Variants in MALRD1 observed in about 807,000 individuals in gnomAD.
MALRD1 encodes MAM and LDL receptor class A domain containing 1.
In MALRD1, 247 loss-of-function variants were observed where a neutral mutation model predicts 242.1. The observed-to-expected ratio is 1.02, with a 90% CI of 0.92 to 1.13. MALRD1 has a LOEUF of 1.13. Ranked by LOEUF, MALRD1 falls within the 50% of genes most tolerant of loss-of-function variation. The pLI is 0.00. For synonymous variants in MALRD1, 995 were observed against 866.6 expected (o/e 1.15, Z -2.60); for missense variants, 2,989 against 2,533.1 (o/e 1.18, Z -3.86).
chr10:19,574,915 C>T (rs899175803), intron 33 of MALRD1, among the ~76,000 whole-genome samples: 14 of 152,122 alleles, frequency 9.2e-5, no homozygotes, highest in Admixed American at 9.2e-4. Flanking sequence ...GAAGACTTCT[C>T]ACTACTGGGC....
At chr10:19,443,899 C>T (rs1438594644) in intron 28 of MALRD1, among the ~76,000 whole-genome samples, 1 of 152,178 alleles carries the variant, frequency 6.6e-6, no homozygotes, top group Non-Finnish European at 1.5e-5. Flanking sequence ...TCTCGTGGAT[C>T]TGTCTAATGT....
intron 26 of MALRD1, among the ~76,000 whole-genome samples, chr10:19,381,391 G>T (rs1338332451): frequency 6.6e-6 from 1 of 152,060 alleles, no homozygotes; most frequent in Non-Finnish European, 1.5e-5. Context: ...TGTCTTTATA[G>T]TTCTTAATAG....
chr10:19,593,582 A>G (rs1837927311), intron 33 of MALRD1, among the ~76,000 whole-genome samples: 1 of 152,194 alleles, frequency 6.6e-6, no homozygotes, highest in Non-Finnish European at 1.5e-5. Context: ...TATATTGATG[A>G]GTCCCTCGTT....
rs868208779 is a variant in MALRD1, at chr10:19,330,014, A to G, written c.3688-1355A>G. ...CATATGTTGAAATTTTAGACTATCC[A>G]GATAATAGAGTATCTTTTATATTTT... is the stretch of plus-strand genomic sequence containing the variant. On this transcript the variant is annotated intron_variant, in intron 23 of 39. Transcript: ENST00000454679. Among the ~76,000 whole-genome samples the G allele has an allele frequency of 2.0e-4, 31 of 152,286 alleles. No individual in the cohort carries two copies. The Middle Eastern group carries it at 0.01, about 50-fold the overall frequency.
At chr10:19,458,833 C>T (rs934192041) in intron 29 of MALRD1, among the ~76,000 whole-genome samples, 10 of 151,860 alleles carry the variant, frequency 6.6e-5, no homozygotes, top group African/African-American at 1.7e-4. Context: ...GCCTCATCTT[C>T]CTGAATCTGT....
At chr10:19,626,958 T>C (rs911288630) in intron 36 of MALRD1, among the ~76,000 whole-genome samples, 1 of 152,146 alleles carries the variant, frequency 6.6e-6, no homozygotes, top group African/African-American at 2.4e-5. Flanking sequence ...TACAGCTTGC[T>C]ATAAAGTCAT....
chr10:19,334,470 G>A (rs977289300), intron 24 of MALRD1, among the ~76,000 whole-genome samples: 8 of 150,626 alleles, frequency 5.3e-5, no homozygotes, highest in Non-Finnish European at 1.0e-4. Flanking sequence ...GAGATGATAA[G>A]TGTTAACTTT....
At chr10:19,458,926 T>C (rs1259057190) in intron 29 of MALRD1, among the ~76,000 whole-genome samples, 2 of 151,960 alleles carry the variant, frequency 1.3e-5, no homozygotes, top group East Asian at 1.9e-4. Context: ...ATATATATAG[T>C]ATTTTTTAAG....
intron 38 of MALRD1, among the ~76,000 whole-genome samples, chr10:19,720,667 T>A (rs1834704216): frequency 6.6e-6 from 1 of 152,208 alleles, no homozygotes; most frequent in Non-Finnish European, 1.5e-5. Flanking sequence ...TTCTCCAACT[T>A]CCTACTTCGT....
chr10:19,573,886 A>G (rs1208953069), intron 33 of MALRD1, among the ~76,000 whole-genome samples: 3 of 152,152 alleles, frequency 2.0e-5, no homozygotes, highest in Non-Finnish European at 4.4e-5. Flanking sequence ...GGAGATTAAC[A>G]TTATGGGCAC....
chr10:19,159,733 G>C (rs748047947), intron 12 of MALRD1, among the ~76,000 whole-genome samples: 9 of 152,128 alleles, frequency 5.9e-5, no homozygotes, highest in Non-Finnish European at 1.3e-4. Flanking sequence ...AAGTATCAGA[G>C]AGCCCAAGGT....
chr10:19,188,602 T>C (rs1487327654), intron 14 of MALRD1, among the ~76,000 whole-genome samples: 2 of 152,200 alleles, frequency 1.3e-5, no homozygotes, highest in Non-Finnish European at 2.9e-5. Context: ...TTTGTCTGGT[T>C]TTATTTCTCA....
intron 36 of MALRD1, among the ~76,000 whole-genome samples, chr10:19,658,745 C>G (rs1841287845): frequency 6.6e-6 from 1 of 152,118 alleles, no homozygotes. Flanking sequence ...TCCTATTTAC[C>G]TACCATGGTA....
intron 21 of MALRD1, among the ~76,000 whole-genome samples, chr10:19,296,129 C>T (rs1340256448): frequency 6.6e-6 from 1 of 152,252 alleles, no homozygotes; most frequent in East Asian, 1.9e-4. Context: ...TCTTGGGAAA[C>T]AGCCATCTAT....
chr10:19,352,081 A>T lies in MALRD1; in HGVS notation c.4225A>T (p.Thr1409Ser). Reference protein sequence around the residue: ...TLMQVSVTNQTKVLLNLTVEQ... With the variant: ...TLMQVSVTNQSKVLLNLTVEQ... ...AATGCAGGTGTCAGTCACAAACCAA[A>T]CGAAGGTTCTACTTAACCTCACTGT... Residue 1409 changes from threonine (T) to serine (S), a missense_variant, in exon 26 of 40, where the codon ACG (threonine) becomes TCG (serine). By Grantham distance (58) the Thr-to-Ser change is moderately conservative (BLOSUM62 1). Transcript: ENST00000454679. 1 of 1,550,502 alleles carries T rather than the reference A, an allele frequency of 6.4e-7. No homozygotes were observed. Among genetic ancestry groups the T allele is most frequent in the Non-Finnish European group, 8.7e-7 (1 of 1,146,892 alleles).
chr10:19,650,481 T>G (rs1177310968), intron 36 of MALRD1, among the ~76,000 whole-genome samples: 1 of 152,222 alleles, frequency 6.6e-6, no homozygotes, highest in East Asian at 1.9e-4. Context: ...ATGCTGTTTT[T>G]CCTTATTTTT....
At chr10:19,240,199 C>G (rs1838697009) in intron 18 of MALRD1, among the ~76,000 whole-genome samples, 2 of 151,816 alleles carry the variant, frequency 1.3e-5, no homozygotes, top group Admixed American at 6.6e-5. Context: ...TTGTAGAGAT[C>G]TTTCACGGCC....
intron 28 of MALRD1, among the ~76,000 whole-genome samples, chr10:19,446,246 A>G (rs755516379): frequency 1.3e-5 from 2 of 152,038 alleles, no homozygotes; most frequent in Non-Finnish European, 2.9e-5. Flanking sequence ...GTGTGAGGTG[A>G]TGCCCCACCC....
intron 28 of MALRD1, among the ~76,000 whole-genome samples, chr10:19,395,680 A>G (rs1037769858): frequency 6.6e-6 from 1 of 152,234 alleles, no homozygotes; most frequent in Non-Finnish European, 1.5e-5. Flanking sequence ...CAACACACCC[A>G]GAGTTTAATT....
Sources: gnomAD v4.1 joint callset for allele counts (sites outside exome capture counted in the v4.1 genomes callset) on GRCh38, gnomAD v4.1.1 for gene constraint, MANE v1.5 for transcripts, NCBI Gene and HGNC (gene_info 2026-07-23, HGNC 2026-07-21) for gene names.